Variants in ZNF506 observed in about 807,000 individuals in gnomAD.
The protein encoded by ZNF506 is zinc finger protein 506.
Under a neutral mutation model 11.6 loss-of-function variants are expected in ZNF506, and 10 were observed. The observed-to-expected ratio is 0.86, with a 90% CI of 0.53 to 1.46. ZNF506 has a LOEUF of 1.46. Ranked by LOEUF, ZNF506 falls within the 40% of genes most tolerant of loss-of-function variation. ZNF506 has a pLI of 0.00. For synonymous variants in ZNF506, 156 were observed against 173.3 expected (o/e 0.90, Z 0.78); for missense variants, 425 against 521.2 (o/e 0.82, Z 1.80).
chr19:19,805,314 A>G (rs2062827340), intron 3 of ZNF506, among the ~76,000 whole-genome samples: 1 of 152,296 alleles, frequency 6.6e-6, no homozygotes, highest in Admixed American at 6.5e-5. Flanking sequence ...ATTGGAGAAG[A>G]TCCAAGTAAA....
intron 1 of ZNF506, among the ~76,000 whole-genome samples, chr19:19,816,417 G>C (rs754327446): frequency 6.6e-6 from 1 of 152,108 alleles, no homozygotes; most frequent in Non-Finnish European, 1.5e-5. Context: ...AAGTGCAGTG[G>C]TGCGATCTCA....
chr19:19,821,429 C>G (rs1336368066), intron 1 of ZNF506, among the ~76,000 whole-genome samples, 172 bp downstream of exon 1: 1 of 152,230 alleles, frequency 6.6e-6, no homozygotes, highest in Non-Finnish European at 1.5e-5. Context: ...GCTGTCAACG[C>G]AGCCGCCATG....
At chr19:19,802,672 T>C (rs2062805079) in intron 3 of ZNF506, among the ~76,000 whole-genome samples, 1 of 152,214 alleles carries the variant, frequency 6.6e-6, no homozygotes, top group African/African-American at 2.4e-5. Context: ...TACCTACTAA[T>C]TATCCAATTT....
intron 3 of ZNF506, chr19:19,796,828 C>T (rs1229544879): frequency 1.3e-5 from 2 of 152,056 alleles, no homozygotes; most frequent in African/African-American, 2.4e-5. Flanking sequence ...ATCCCAAACA[C>T]GGAATGGGTG....
In ZNF506 at chr19:19,799,275, A is replaced by G. The variant is rs191843744; in HGVS notation, c.227-3615T>C. On this transcript the variant is annotated intron_variant, in intron 3 of 3. Coordinates refer to ENST00000540806, the MANE Select transcript of ZNF506 (RefSeq NM_001099269.3). ...CAATATAATTATAGTAGGATATTTCAATACCCCACTTTCTGTAATAATAAT... is the reference window on the plus strand; with the variant it reads ...CAATATAATTATAGTAGGATATTTCGATACCCCACTTTCTGTAATAATAAT... 4.5e-3 allele frequency: 1,826 copies of G among 405,608 alleles called. 86 individuals are homozygous for G. In the Admixed American group the frequency reaches 0.065, roughly 14 times the overall value. 25.1% of individuals were successfully genotyped at this position (405,608 alleles called of 1,614,324 possible). A position where few individuals can be genotyped will look rare whatever the true frequency, so the allele number is the denominator to read the frequency against.
intron 1 of ZNF506, among the ~76,000 whole-genome samples, chr19:19,808,551 A>T (rs1568478147): frequency 6.6e-6 from 1 of 151,640 alleles, no homozygotes; most frequent in Non-Finnish European, 1.5e-5. Flanking sequence ...ACCATAAAGA[A>T]ACATCAGTTT....
At chr19:19,805,352 G>A (rs1269562629) in intron 3 of ZNF506, among the ~76,000 whole-genome samples, 3 of 151,906 alleles carry the variant, frequency 2.0e-5, no homozygotes, top group Non-Finnish European at 2.9e-5. Context: ...TCTATGGATT[G>A]AAAGATTAAA....
intron 3 of ZNF506, among the ~76,000 whole-genome samples, chr19:19,804,797 G>C (rs2062822926): frequency 1.3e-5 from 2 of 152,118 alleles, no homozygotes; most frequent in African/African-American, 4.8e-5. Context: ...CATGGATGAA[G>C]CTGGAAACCA....
chr19:19,819,890 A>G (rs530471072), intron 1 of ZNF506, among the ~76,000 whole-genome samples: 1 of 152,288 alleles, frequency 6.6e-6, no homozygotes, highest in African/African-American at 2.4e-5. Flanking sequence ...CGAGGTCAAG[A>G]GATAGAGACC....
intron 1 of ZNF506, among the ~76,000 whole-genome samples, chr19:19,807,406 T>C (rs913066468): frequency 6.6e-6 from 1 of 152,200 alleles, no homozygotes; most frequent in Non-Finnish European, 1.5e-5. Flanking sequence ...AAAAGAAATG[T>C]TGGGTTAGAA....
intron 1 of ZNF506, among the ~76,000 whole-genome samples, chr19:19,816,399 C>G (rs2062931758): frequency 6.6e-6 from 1 of 152,050 alleles, no homozygotes; most frequent in Non-Finnish European, 1.5e-5. Flanking sequence ...GCTCTGCTGC[C>G]CAGGCTGAAG....
Position 19,799,523 on chromosome 19 carries a change from A to G in ZNF506, c.227-3863T>C, listed in dbSNP as rs988578881. ...TTCATAGATTACTTTCTATGACAAA[A>G]ATGGAATTAGAGTATAAGACAATAA... On this transcript the variant is annotated intron_variant, in intron 3 of 3. Coordinates refer to ENST00000540806, the MANE Select transcript of ZNF506 (RefSeq NM_001099269.3). The G allele has an allele frequency of 3.2e-5, 20 of 626,460 alleles. No individual in the cohort carries two copies. In the African/African-American group the frequency reaches 3.7e-4, roughly 12 times the overall value. 38.8% of individuals were successfully genotyped at this position (626,460 alleles called of 1,614,324 possible). A position where few individuals can be genotyped will look rare whatever the true frequency, so the allele number is the denominator to read the frequency against.
At chr19:19,798,649 CGTCTCAAAAAAAAAAAAAA>C (rs1462126473) in intron 3 of ZNF506, 2 of 81,306 alleles carry the variant, frequency 2.5e-5, no homozygotes, top group African/African-American at 1.3e-4. Flanking sequence ...AGCGAGACTC[CGTCTCAAAAAAAAAAAAAA>C]AAAAAAAAGA....
intron 1 of ZNF506, chr19:19,820,602 G>A (rs1228246157): frequency 6.6e-6 from 1 of 152,256 alleles, no homozygotes; most frequent in Admixed American, 6.5e-5. Context: ...GCTGAGGCAG[G>A]AGAATGGCGT....
At chr19:19,809,464 T>A (rs940198649) in intron 1 of ZNF506, among the ~76,000 whole-genome samples, 4 of 45,918 alleles carry the variant, frequency 8.7e-5, no homozygotes, top group African/African-American at 7.4e-4. Context: ...GGGGAAGTTA[T>A]TTTTTTTCTT....
intron 3 of ZNF506, chr19:19,797,552 TAG>T (rs2062753666): frequency 3.4e-5 from 5 of 148,952 alleles, no homozygotes; most frequent in Admixed American, 3.3e-4. Flanking sequence ...AATATTAAAA[TAG>T]AAAACAAAAA....
chr19:19,799,433 T>G (rs1180302777), intron 3 of ZNF506: 1 of 675,326 alleles, frequency 1.5e-6, no homozygotes, highest in Non-Finnish European at 2.7e-6. Flanking sequence ...TCATAAAACA[T>G]TCCTCTTTAT....
rs531119537 is a variant in ZNF506 at position 19,815,525 on chromosome 19, G to A, written c.3+6076C>T. On this transcript the variant is annotated intron_variant, in intron 1 of 3. Transcript: ENST00000540806. ...GTGACAGCCTGTGTACGACAGAGCA[G>A]AGCCTCCCATTCCCAATCACCCAAA... Among the ~76,000 whole-genome samples, 9 of 152,284 alleles carry A rather than the reference G, an allele frequency of 5.9e-5. No individual in the cohort carries two copies. The South Asian group carries it at 1.9e-3, about 32-fold the overall frequency.
intron 1 of ZNF506, 150 bp downstream of exon 1, chr19:19,821,451 G>A: frequency 1.2e-5 from 12 of 1,038,626 alleles, no homozygotes; most frequent in Non-Finnish European, 1.5e-5. Context: ...TATGGCTGGG[G>A]CGGAGCTGGG....
Sources: allele counts gnomAD v4.1 joint callset (sites outside exome capture counted in the v4.1 genomes callset), GRCh38; gene constraint gnomAD v4.1.1; transcripts MANE v1.5; gene names NCBI Gene and HGNC (gene_info 2026-07-23, HGNC 2026-07-21).